GALNS: variants seen among roughly 807,000 people sequenced by gnomAD.
GALNS encodes the protein galactosamine (N-acetyl)-6-sulfatase, also known as N-acetylgalactosamine-6-sulfatase.
A neutral mutation model predicts 65.9 loss-of-function variants in GALNS; 65 were observed. The observed-to-expected ratio is 0.99, with a 90% CI of 0.81 to 1.21. GALNS has a LOEUF of 1.21. GALNS is among the 50% of genes most tolerant of loss of function. The pLI is 0.00. For missense variants in GALNS, 776 were observed against 700.7 expected (o/e 1.11, Z -1.21); for synonymous variants, 346 against 288.9 (o/e 1.20, Z -2.00).
chr16:88,826,816 A>C lies in GALNS; in HGVS notation c.1025T>G (p.Ile342Ser). Residue 342 changes from isoleucine to serine, a missense_variant, in exon 10 of 14, where the codon ATC (isoleucine) becomes AGC (serine). Physicochemically the swap from Ile to Ser is moderately radical, Grantham distance 142 (BLOSUM62 -2). Transcript: ENST00000268695. ...AGQVSHQLGS[I>S]MDLFTTSLAL... is the part of the protein sequence containing the mutation. ...CAGGCTGGTGGTGAAGAGGTCCATG[A>C]TGCTGCCCAGCTGGTGGCTCACCTG... The C allele has an allele frequency of 6.3e-7, 1 of 1,589,614 alleles. No homozygotes were observed. The highest frequency in any genetic ancestry group is 8.6e-7 in the Non-Finnish European group (1 of 1,168,698).
chr16:88,836,201 C>A lies in GALNS; in HGVS notation c.633G>T (p.Gln211His). 4 of 1,613,420 alleles carry A rather than the reference C, an allele frequency of 2.5e-6. No homozygotes were observed. Among genetic ancestry groups the A allele is most frequent in the Non-Finnish European group, 3.4e-6 (4 of 1,179,678 alleles). Reference protein sequence around the residue: ...GEANLTQIYLQEALDFIKRQA... With the variant: ...GEANLTQIYLHEALDFIKRQA... ...GCGAGGATGGTGCGGTCCCCATCAC[C>A]TGCAGGTAGATCTGGGTGAGGTTGG... Residue 211 changes from glutamine (Q) to histidine (H), a missense_variant and splice_region_variant, in exon 6 of 14, where the codon CAG becomes CAT. By Grantham distance (24) the Gln-to-His change is conservative. Transcript: ENST00000268695.
At position 88,814,407 on chromosome 16, in the gene GALNS, G is replaced by T; in HGVS notation, c.*32C>A. On this transcript the variant is annotated 3_prime_UTR_variant, in exon 14 of 14. Coordinates refer to ENST00000268695, the MANE Select transcript of GALNS (RefSeq NM_000512.5). ...CCAGGCACTTGCAGGGCCAACCGGA[G>T]ATTCTAGGCCTGGCCTGAGTCTGCG... is the stretch of plus-strand genomic sequence containing the variant. The T allele has an allele frequency of 8.4e-6, 13 of 1,551,174 alleles. No homozygotes were observed. Among genetic ancestry groups the T allele is most frequent in the Non-Finnish European group, 9.6e-6 (11 of 1,147,558 alleles).
At chr16:88,842,906 C>A in intron 1 of GALNS, 77 bp from the exon 2 acceptor site, 1 of 1,583,922 alleles carries the variant, frequency 6.3e-7, no homozygotes. Context: ...CCCATGGTGC[C>A]AAGAGCGTGT....
At chr16:88,854,988 C>G (rs148021604) in intron 1 of GALNS, 8 of 338,274 alleles carry the variant, frequency 2.4e-5, no homozygotes, top group African/African-American at 8.7e-5. Flanking sequence ...CACCCTCCCC[C>G]ACATGTGCCC....
At chr16:88,833,142 G>A (rs1013060070) in intron 8 of GALNS, among the ~76,000 whole-genome samples, 2 of 151,834 alleles carry the variant, frequency 1.3e-5, no homozygotes, top group African/African-American at 4.8e-5. Flanking sequence ...CCATCCAGGG[G>A]AGGCAAAGTC....
chr16:88,825,180 G>C (rs1469515588), intron 10 of GALNS, among the ~76,000 whole-genome samples: 2 of 140,948 alleles, frequency 1.4e-5, no homozygotes, highest in African/African-American at 5.5e-5. Flanking sequence ...GCCGGGGCTG[G>C]GGTGACTGGG....
chr16:88,848,569 C>T (rs56387297), intron 1 of GALNS, among the ~76,000 whole-genome samples: 1 of 103,542 alleles, frequency 9.7e-6, no homozygotes, highest in African/African-American at 5.7e-5. Flanking sequence ...GAGACTCCGT[C>T]TGAAAAAAAA....
intron 11 of GALNS, among the ~76,000 whole-genome samples, chr16:88,824,292 G>C (rs966603551): frequency 4.6e-5 from 7 of 152,110 alleles, no homozygotes; most frequent in Non-Finnish European, 1.0e-4. Context: ...CGCTGACAAT[G>C]CTGGGGTAGC....
intron 1 of GALNS, among the ~76,000 whole-genome samples, chr16:88,854,810 T>C (rs959670941): frequency 8.5e-5 from 13 of 152,366 alleles, no homozygotes; most frequent in Admixed American, 1.3e-4. Context: ...CTGTTGCTTG[T>C]CACTTTGACT....
At chr16:88,824,258 G>A (rs1028389387) in intron 11 of GALNS, among the ~76,000 whole-genome samples, 6 of 152,136 alleles carry the variant, frequency 3.9e-5, no homozygotes, top group Admixed American at 6.5e-5. Flanking sequence ...GGCTTGAGGC[G>A]AGGGCTCGTG....
chr16:88,821,718 G>A (rs551586129), intron 12 of GALNS, among the ~76,000 whole-genome samples: 12 of 152,162 alleles, frequency 7.9e-5, no homozygotes, highest in Admixed American at 3.9e-4. Context: ...GCCTCCCACC[G>A]GCCCTACTCA....
At chr16:88,830,090 G>A (rs980439611) in intron 9 of GALNS, among the ~76,000 whole-genome samples, 1 of 152,076 alleles carries the variant, frequency 6.6e-6, no homozygotes, top group Non-Finnish European at 1.5e-5. Context: ...AATTAGCCGG[G>A]CATGGTAGAG....
At chr16:88,853,909 C>A (rs372216001) in intron 1 of GALNS, among the ~76,000 whole-genome samples, 1 of 152,182 alleles carries the variant, frequency 6.6e-6, no homozygotes, top group African/African-American at 2.4e-5. Context: ...CTTCTGGTCC[C>A]GACTCTGGGG....
intron 9 of GALNS, among the ~76,000 whole-genome samples, chr16:88,830,643 A>G (rs1195817821): frequency 6.6e-6 from 1 of 152,208 alleles, no homozygotes; most frequent in Non-Finnish European, 1.5e-5. Context: ...AGTGCCTGTT[A>G]CAGAAGACCA....
At chr16:88,830,613 T>C (rs1911402316) in intron 9 of GALNS, among the ~76,000 whole-genome samples, 4 of 152,202 alleles carry the variant, frequency 2.6e-5, no homozygotes, top group Admixed American at 2.6e-4. Context: ...CCCCGCGTGT[T>C]GATGGGTATG....
chr16:88,853,846 T>A (rs1038552183), intron 1 of GALNS, among the ~76,000 whole-genome samples: 10 of 152,108 alleles, frequency 6.6e-5, no homozygotes, highest in Non-Finnish European at 1.3e-4. Context: ...CAGCTCCCCC[T>A]GGACAGGTGG....
In GALNS at chr16:88,816,974, C is replaced by T. The variant is rs1192115107; in HGVS notation, c.1482+1033G>A. 1.0e-5 allele frequency: 10 copies of T among 985,468 alleles called. No individual in the cohort carries two copies. In the East Asian group the frequency reaches 3.4e-4, roughly 34 times the overall value. The allele number at this position is 985,468 out of a possible 1,614,324, so 61.0% of individuals were successfully genotyped here. A position where few individuals can be genotyped will look rare whatever the true frequency, so the allele number is the denominator to read the frequency against. On this transcript the variant is annotated intron_variant, in intron 13 of 13. Coordinates refer to ENST00000268695, the MANE Select transcript of GALNS (RefSeq NM_000512.5). Reference sequence around the variant, plus strand: ...TGGGCTCGGCCATCTCCACTGTGCTCGGTGGGCTCTGGGCACCCAGGAGCG... The same window carrying T: ...TGGGCTCGGCCATCTCCACTGTGCTTGGTGGGCTCTGGGCACCCAGGAGCG...
intron 12 of GALNS, among the ~76,000 whole-genome samples, chr16:88,819,605 T>C (rs1199370635): frequency 6.6e-6 from 1 of 152,216 alleles, no homozygotes; most frequent in Non-Finnish European, 1.5e-5. Flanking sequence ...AGACAGCAGC[T>C]CACTGCAGCC....
intron 12 of GALNS, among the ~76,000 whole-genome samples, chr16:88,822,083 C>G (rs1432313746): frequency 6.6e-6 from 1 of 152,220 alleles, no homozygotes; most frequent in Admixed American, 6.5e-5. Flanking sequence ...GAGTCTGGTA[C>G]TGGCGACCAT....
Sources: gnomAD v4.1 joint callset for allele counts (sites outside exome capture counted in the v4.1 genomes callset) on GRCh38, gnomAD v4.1.1 for gene constraint, MANE v1.5 for transcripts, NCBI Gene and HGNC (gene_info 2026-07-23, HGNC 2026-07-21) for gene names.